Variants in RAD51AP2 observed in about 807,000 individuals in gnomAD.
RAD51AP2 encodes the protein RAD51-associated protein 2.
RAD51AP2 carries 67 observed loss-of-function variants against 85.5 expected under a neutral mutation model. That is an observed-to-expected ratio of 0.78 (90% confidence interval 0.64 to 0.96). The LOEUF is 0.96. Among genes scored for constraint, RAD51AP2 ranks in the 40% least tolerant of loss-of-function variants. The probability of loss-of-function intolerance (pLI) is 0.00; values close to 1 mark genes in which losing one functional copy is unlikely to be tolerated. For missense variants in RAD51AP2, 1,307 were observed against 1,332.4 expected, an observed-to-expected ratio of 0.98 and a Z score of 0.30; for synonymous variants, 474 against 446.5, an observed-to-expected ratio of 1.06 and a Z score of -0.78.
chr2:17,534,330 C>A, the RAD51AP2 span, among the ~76,000 whole-genome samples: 3 of 152,262 alleles, frequency 2.0e-5, no homozygotes, highest in South Asian at 6.2e-4. Flanking sequence ...AATGGTAATT[C>A]ATCTTCTTCC....
At chr2:17,533,887 C>T in the RAD51AP2 span, among the ~76,000 whole-genome samples, 2 of 152,170 alleles carry the variant, frequency 1.3e-5, no homozygotes, top group African/African-American at 4.8e-5. Context: ...TGCACTCCAG[C>T]CATCTGGATG....
chr2:17,516,506 C>A lies in RAD51AP2; in HGVS notation c.1910G>T (p.Arg637Ile). The A allele has an allele frequency of 6.5e-7, 1 of 1,541,186 alleles. No homozygotes were observed. Among genetic ancestry groups the A allele is most frequent in the South Asian group, 1.2e-5 (1 of 83,520 alleles). ...AGGTTTCATATTATCTTCTAATAGT[C>A]TTGAAGAAGTTAAAATCTTTACTAG... ...AYLVKILTSS[R>I]LLEDNMKPML... Residue 637 changes from arginine to isoleucine, a missense_variant, in exon 1 of 3, where the codon AGA becomes ATA. Arg to Ile is a moderately conservative substitution (Grantham distance 97). This residue lies in a region of RAD51AP2 where 668 missense variants were observed against 671.0 expected (regional missense o/e 1.00). Coordinates refer to ENST00000399080, the MANE Select transcript of RAD51AP2 (RefSeq NM_001099218.3).
rs763716446 is a variant in RAD51AP2 at position 17,516,997 on chromosome 2, T to A, written c.1419A>T (p.Leu473Phe). 6.2e-7 allele frequency: 1 copy of A among 1,600,074 alleles called. No homozygotes were observed. The highest frequency in any genetic ancestry group is 8.5e-7 in the Non-Finnish European group (1 of 1,176,196). The stretch of plus-strand genomic sequence containing the variant: ...TACCATTTAGCCAAACAGTCGTTAT[T>A]AAAGCTGTCTGACTACCTAATATTT... Reference protein sequence around the residue: ...VREILGSQTALITTVWLNGKG... With the variant: ...VREILGSQTAFITTVWLNGKG... The change falls in exon 1 of 3, where the codon TTA (leucine) becomes TTT (phenylalanine). Residue 473 changes from leucine to phenylalanine, a missense_variant. Physicochemically the swap from Leu to Phe is conservative, Grantham distance 22. This residue lies in a region of RAD51AP2 where 635 missense variants were observed against 643.6 expected (regional missense o/e 0.99). Transcript: ENST00000399080.
rs746786256 is a variant in RAD51AP2 at position 17,515,190 on chromosome 2, G to T, written c.3226C>A (p.Leu1076Ile). ...ATACCTTTCTCAGAAGTAGAGTAAAGTAATTCTTCCTCTGATCTACTTGGA... is the reference window on the plus strand; with the variant it reads ...ATACCTTTCTCAGAAGTAGAGTAAATTAATTCTTCCTCTGATCTACTTGGA... ...CYPSRSEEEL[L>I]YSTSEKDCET... The change falls in exon 1 of 3, where the codon CTT becomes ATT. Residue 1076 changes from leucine (L) to isoleucine (I), a missense_variant. Leu to Ile is a conservative substitution (Grantham distance 5). Coordinates refer to ENST00000399080, the MANE Select transcript of RAD51AP2 (RefSeq NM_001099218.3). 1 of 1,578,036 alleles carries T rather than the reference G, an allele frequency of 6.3e-7. No individual in the cohort carries two copies. The highest frequency in any genetic ancestry group is 8.6e-7 in the Non-Finnish European group (1 of 1,166,614).
chr2:17,529,880 G>T, the RAD51AP2 span, among the ~76,000 whole-genome samples: 3 of 152,296 alleles, frequency 2.0e-5, no homozygotes, highest in East Asian at 5.8e-4. Context: ...ACAAATTTGA[G>T]TGGAGCTCTA....
chr2:17,514,241 A>T, intron 1 of RAD51AP2, 149 bp from the exon 2 acceptor site: 1 of 756,958 alleles, frequency 1.3e-6, no homozygotes, highest in African/African-American at 1.8e-5. Context: ...GCTCCTTTTT[A>T]AAATTAACTT....
chr2:17,535,732 G>A, the RAD51AP2 span, among the ~76,000 whole-genome samples: 1 of 152,006 alleles, frequency 6.6e-6, no homozygotes, highest in Non-Finnish European at 1.5e-5. Flanking sequence ...GAGGGGCAGG[G>A]GAGAAAATCA....
the RAD51AP2 span, among the ~76,000 whole-genome samples, chr2:17,529,643 A>G: frequency 1.3e-5 from 2 of 152,222 alleles, no homozygotes; most frequent in Non-Finnish European, 1.5e-5. Flanking sequence ...TAAAAGAAGA[A>G]CTATGTGTCC....
Position 17,510,968 on chromosome 2 carries a change from G to A in RAD51AP2, c.3329-13C>T, listed in dbSNP as rs1448484978. On this transcript the variant is annotated splice_polypyrimidine_tract_variant and intron_variant, in intron 2 of 2. Coordinates refer to ENST00000399080, the MANE Select transcript of RAD51AP2 (RefSeq NM_001099218.3). Reference sequence around the variant, plus strand: ...GGAAAGTGACTACCTAAAAATATAAGACAATAAAAGTAAAAATTATCAATA... The same window carrying A: ...GGAAAGTGACTACCTAAAAATATAAAACAATAAAAGTAAAAATTATCAATA... 6 of 1,555,546 alleles carry A rather than the reference G, an allele frequency of 3.9e-6. No individual in the cohort carries two copies. In the South Asian group the frequency reaches 5.0e-5, roughly 13 times the overall value.
At position 17,518,438 on chromosome 2, in the gene RAD51AP2, T is replaced by A; in HGVS notation, c.-23A>T. On this transcript the variant is annotated 5_prime_UTR_variant, in exon 1 of 3. Transcript: ENST00000399080. Reference sequence around the variant, plus strand: ...CATGACAGCGAATGGAAAGGATCTGTCCGAGTCCCGGCGGGGCTCCAATCC... The same window carrying A: ...CATGACAGCGAATGGAAAGGATCTGACCGAGTCCCGGCGGGGCTCCAATCC... 6.3e-7 allele frequency: 1 copy of A among 1,596,724 alleles called. No homozygotes were observed. The highest frequency in any genetic ancestry group is 8.5e-7 in the Non-Finnish European group (1 of 1,173,174).
In RAD51AP2 at chr2:17,516,539, G is replaced by C. The variant is rs765833981; in HGVS notation, c.1877C>G (p.Thr626Ser). 9.6e-6 allele frequency: 15 copies of C among 1,561,374 alleles called. No homozygotes were observed. The African/African-American group carries it at 1.6e-4, about 17-fold the overall frequency. The stretch of plus-strand genomic sequence containing the variant: ...AGTTAAAATCTTTACTAGATATGCA[G>C]TATGATTTTCCACTATATTTTTTGG... ...KYPKNIVENH[T>S]AYLVKILTSS... The change falls in exon 1 of 3, where the codon ACT becomes AGT. Residue 626 changes from threonine (T) to serine (S), a missense_variant. Physicochemically the swap from Thr to Ser is moderately conservative, Grantham distance 58. Transcript: ENST00000399080.
chr2:17,531,982 T>G, the RAD51AP2 span, among the ~76,000 whole-genome samples: 1 of 152,064 alleles, frequency 6.6e-6, no homozygotes, highest in Admixed American at 6.5e-5. Flanking sequence ...AGAAGCAGAG[T>G]TGGTTTTTGA....
chr2:17,533,650 A>T, the RAD51AP2 span, among the ~76,000 whole-genome samples: 1 of 152,266 alleles, frequency 6.6e-6, no homozygotes, highest in South Asian at 2.1e-4. Flanking sequence ...ATAAAATCAT[A>T]TATGTGTAAT....
chr2:17,520,571 T>C (rs1005792262), upstream of RAD51AP2, among the ~76,000 whole-genome samples: 12 of 152,246 alleles, frequency 7.9e-5, no homozygotes, highest in African/African-American at 2.9e-4. Context: ...TGTCTTCTTA[T>C]AGTTCAACTC....
chr2:17,537,000 C>G, the RAD51AP2 span, among the ~76,000 whole-genome samples: 1 of 152,106 alleles, frequency 6.6e-6, no homozygotes, highest in Non-Finnish European at 1.5e-5. Flanking sequence ...GTTGGTCTAT[C>G]TGCATCTTTT....
At chr2:17,533,387 C>A in the RAD51AP2 span, among the ~76,000 whole-genome samples, 1 of 152,304 alleles carries the variant, frequency 6.6e-6, no homozygotes, top group East Asian at 1.9e-4. Context: ...GATCCAGTTC[C>A]AAATCTTATG....
rs1662650552 is a variant in RAD51AP2, at chr2:17,515,987, G to A, written c.2429C>T (p.Ser810Phe). 6.2e-7 allele frequency: 1 copy of A among 1,612,902 alleles called. No homozygotes were observed. The highest frequency in any genetic ancestry group is 1.1e-5 in the South Asian group (1 of 90,588). ...IIHNEETHTT[S>F]ITQVLNFWNL... Reference sequence around the variant, plus strand: ...CCAAAAATTTAGTACTTGAGTTATAGAAGTGGTATGGGTCTCTTCATTATG... The same window carrying A: ...CCAAAAATTTAGTACTTGAGTTATAAAAGTGGTATGGGTCTCTTCATTATG... The change falls in exon 1 of 3, where the codon TCT (serine) becomes TTT (phenylalanine). Residue 810 changes from serine to phenylalanine, a missense_variant. Physicochemically the swap from Ser to Phe is radical, Grantham distance 155 (BLOSUM62 -2). Coordinates refer to ENST00000399080, the MANE Select transcript of RAD51AP2 (RefSeq NM_001099218.3).
At chr2:17,525,669 G>A in the RAD51AP2 span, among the ~76,000 whole-genome samples, 14 of 151,928 alleles carry the variant, frequency 9.2e-5, no homozygotes, top group African/African-American at 3.1e-4. Flanking sequence ...TTTGCCTGAG[G>A]TCATTCATGC....
the RAD51AP2 span, among the ~76,000 whole-genome samples, chr2:17,529,727 G>T: frequency 6.6e-6 from 1 of 152,156 alleles, no homozygotes; most frequent in Non-Finnish European, 1.5e-5. Context: ...ATCACCCTGG[G>T]ATAGATTAGC....
Sources: gnomAD v4.1 joint callset for allele counts (sites outside exome capture counted in the v4.1 genomes callset) on GRCh38, gnomAD v4.1.1 for gene constraint, gnomAD v4.1.1 regional missense constraint, MANE v1.5 for transcripts, NCBI Gene and HGNC (gene_info 2026-07-23, HGNC 2026-07-21) for gene names.